Variants in PDZD2 observed in about 807,000 individuals in gnomAD.
PDZD2 encodes the protein PDZ domain-containing protein 2.
A neutral mutation model predicts 220.7 loss-of-function variants in PDZD2; 90 were observed. That is an observed-to-expected ratio of 0.41 (90% CI 0.34 to 0.49). PDZD2 has a LOEUF of 0.49. Ranked by LOEUF, PDZD2 falls within the 20% of genes least tolerant of loss-of-function variation. The pLI, the probability that PDZD2 is intolerant of heterozygous loss-of-function variation, is 0.28. For missense variants in PDZD2, 3,174 were observed against 3,608.5 expected (o/e 0.88, Z 3.08); for synonymous variants, 1,375 against 1,450.5 (o/e 0.95, Z 1.18).
chr5:31,802,649 C>G (rs1162013510), intron 2 of PDZD2, among the ~76,000 whole-genome samples: 1 of 152,068 alleles, frequency 6.6e-6, no homozygotes, highest in Non-Finnish European at 1.5e-5. Flanking sequence ...AGCCGTGCGC[C>G]GTGGCTCACG....
chr5:32,073,964 G>A lies in PDZD2; in HGVS notation c.2858G>A (p.Arg953Gln), dbSNP rs755106014. Residue 953 changes from arginine to glutamine, a missense_variant, in exon 18 of 25, where the codon CGA (arginine) becomes CAA (glutamine). Arg to Gln is a conservative substitution (Grantham distance 43). Coordinates refer to ENST00000438447, the MANE Select transcript of PDZD2 (RefSeq NM_178140.4). ...ASLPGSPQAL[R>Q]NPLLRQRKVG... is the part of the protein sequence containing the mutation. ...CTCCCCGGAAGCCCACAGGCCCTCCGAAACCCTCTCCTCCGCCAGAGGAAG... is the reference window on the plus strand; with the variant it reads ...CTCCCCGGAAGCCCACAGGCCCTCCAAAACCCTCTCCTCCGCCAGAGGAAG... The A allele has an allele frequency of 2.1e-5, 34 of 1,614,134 alleles. No individual in the cohort carries two copies. Among genetic ancestry groups the A allele is most frequent in the East Asian group, 4.5e-5 (2 of 44,874 alleles).
In PDZD2 at chr5:32,071,552, C is replaced by T. The variant is rs576540772; in HGVS notation, c.2568+134C>T. ...ATTTTTGCCACTTTATACAGGAAAT[C>T]GCAACAATGCTCATTTGAGAATAGA... On this transcript the variant is annotated intron_variant, in intron 16 of 24. Coordinates refer to ENST00000438447, the MANE Select transcript of PDZD2 (RefSeq NM_178140.4). 8.3e-4 allele frequency: 595 copies of T among 716,236 alleles called. 11 individuals are homozygous for T. In the South Asian group the frequency reaches 9.1e-3, roughly 11 times the overall value. The allele number at this position is 716,236 out of a possible 1,614,324, so 44.4% of individuals were successfully genotyped here. A position where few individuals can be genotyped will look rare whatever the true frequency, so the allele number is the denominator to read the frequency against.
chr5:31,715,057 T>TA lies in PDZD2; in HGVS notation c.-361+75636dup, dbSNP rs11310820. ...CTAGGCAACAGAGCGACACTCTGTC[T>TA]AAAAAAAAAAAAAAAAGAAAGAAAG... On this transcript the variant is annotated intron_variant, in intron 1 of 24. Coordinates refer to ENST00000438447, the MANE Select transcript of PDZD2 (RefSeq NM_178140.4). Among the ~76,000 whole-genome samples the TA allele has an allele frequency of 4.8e-4, 68 of 142,732 alleles. 1 individual carries two copies. Among genetic ancestry groups the TA allele is most frequent in the Non-Finnish European group, 3.0e-4 (20 of 65,608 alleles). 93.6% of individuals were successfully genotyped at this position (142,732 alleles called of 152,430 possible).
At chr5:32,071,912 G>C (rs900496665) in intron 16 of PDZD2, among the ~76,000 whole-genome samples, 1 of 152,234 alleles carries the variant, frequency 6.6e-6, no homozygotes, top group Middle Eastern at 3.4e-3. Context: ...TGGCTTTTCC[G>C]ATCATTGCCA....
At chr5:31,763,555 C>A (rs538954389) in intron 1 of PDZD2, among the ~76,000 whole-genome samples, 22 of 152,230 alleles carry the variant, frequency 1.4e-4, no homozygotes, top group Admixed American at 1.4e-3. Flanking sequence ...TGTGTTCTTA[C>A]ATATAATTTG....
At chr5:32,095,236 G>A (rs1052786334) in intron 21 of PDZD2, among the ~76,000 whole-genome samples, 1 of 152,256 alleles carries the variant, frequency 6.6e-6, no homozygotes, top group East Asian at 1.9e-4. Flanking sequence ...TACTACTCAC[G>A]CTCACCACGA....
chr5:32,032,375 C>G (rs1034093012), intron 6 of PDZD2, among the ~76,000 whole-genome samples: 6 of 152,148 alleles, frequency 3.9e-5, no homozygotes, highest in Admixed American at 3.9e-4. Flanking sequence ...CGGAATCAGA[C>G]CTGTGTAAAT....
At chr5:31,659,542 G>A (rs1257408469) in intron 1 of PDZD2, among the ~76,000 whole-genome samples, 1 of 151,860 alleles carries the variant, frequency 6.6e-6, no homozygotes, top group Non-Finnish European at 1.5e-5. Context: ...ACTAGCCCCC[G>A]AGACAAGACA....
At chr5:31,912,734 T>A (rs1023333868) in intron 2 of PDZD2, among the ~76,000 whole-genome samples, 1 of 152,212 alleles carries the variant, frequency 6.6e-6, no homozygotes, top group African/African-American at 2.4e-5. Context: ...TGGAGGTGTC[T>A]CTCTAGCATG....
At chr5:31,688,822 A>AG (rs1230152866) in intron 1 of PDZD2, among the ~76,000 whole-genome samples, 1 of 151,138 alleles carries the variant, frequency 6.6e-6, no homozygotes, top group Non-Finnish European at 1.5e-5. Flanking sequence ...TTCCCCAAGC[A>AG]GGGGGTGGTC....
At chr5:32,037,064 G>T (rs59001484) in intron 6 of PDZD2, among the ~76,000 whole-genome samples, 167 bp from the exon 7 acceptor site, 1,759 of 152,336 alleles carry the variant, frequency 0.012, 29 homozygotes, top group African/African-American at 0.039. Flanking sequence ...GCAAGGCGTT[G>T]CGAATGCAGC....
In PDZD2 at chr5:32,090,498, G is replaced by A. The variant is rs766670606; in HGVS notation, c.7050G>A (p.Arg2350=). The A allele has an allele frequency of 3.1e-6, 5 of 1,613,946 alleles. No individual in the cohort carries two copies. Among genetic ancestry groups the A allele is most frequent in the Non-Finnish European group, 4.2e-6 (5 of 1,180,028 alleles). ...TTGAGAACCTGGCCAATGCTGACCG[G>A]CCTGTAGCCAAGTCCGGGGCTTCCC... is the stretch of plus-strand genomic sequence containing the variant. ...KSFENLANAD[R]PVAKSGASPF... is the part of the protein sequence containing the mutation. The change falls in exon 20 of 25, where the codon CGG becomes CGA. Residue 2350 remains arginine, a synonymous_variant. Coordinates refer to ENST00000438447, the MANE Select transcript of PDZD2 (RefSeq NM_178140.4). This position sits in a 1 kb window ranked among gnomAD's most constrained non-coding sequence, Gnocchi z 4.3.
At chr5:32,044,147 G>T (rs182951509) in intron 7 of PDZD2, among the ~76,000 whole-genome samples, 27 of 151,810 alleles carry the variant, frequency 1.8e-4, no homozygotes, top group African/African-American at 6.5e-4. Context: ...TGGCCAACAC[G>T]GTGAAACCTC....
At chr5:31,804,123 G>A (rs1023279689) in intron 2 of PDZD2, among the ~76,000 whole-genome samples, 2 of 152,036 alleles carry the variant, frequency 1.3e-5, no homozygotes, top group Non-Finnish European at 2.9e-5. Flanking sequence ...AGCTGAGGAA[G>A]TAAAATCTTG....
rs568511802 is a variant in PDZD2, at chr5:31,769,576, G to A, written c.-360-29313G>A. On this transcript the variant is annotated intron_variant, in intron 1 of 24. Transcript: ENST00000438447. Reference sequence around the variant, plus strand: ...CTAAAAGAGCCCGGTTTCCTCCTAAGCTAGGTGCTTGGCTTTTATTTTTAA... The same window carrying A: ...CTAAAAGAGCCCGGTTTCCTCCTAAACTAGGTGCTTGGCTTTTATTTTTAA... Among the ~76,000 whole-genome samples the A allele has an allele frequency of 2.6e-5, 4 of 152,344 alleles. No individual in the cohort carries two copies. The South Asian group carries it at 6.2e-4, about 24-fold the overall frequency.
intron 2 of PDZD2, among the ~76,000 whole-genome samples, chr5:31,804,984 A>G (rs1754626361): frequency 6.6e-6 from 1 of 152,232 alleles, no homozygotes; most frequent in Non-Finnish European, 1.5e-5. Flanking sequence ...AGCTGAAGTC[A>G]GGAGTTTGAG....
At chr5:31,908,466 G>A in intron 2 of PDZD2, 2 of 862,704 alleles carry the variant, frequency 2.3e-6, no homozygotes, top group East Asian at 3.4e-5. Flanking sequence ...TGGTCTGTAG[G>A]AGAGAGGGTA....
chr5:31,820,320 A>G (rs1324177979), intron 2 of PDZD2, among the ~76,000 whole-genome samples: 2 of 152,148 alleles, frequency 1.3e-5, no homozygotes, highest in Non-Finnish European at 2.9e-5. Flanking sequence ...AGGTCACATG[A>G]CTTGAGGGAC....
At chr5:32,079,349 T>C (rs1741686403) in intron 19 of PDZD2, among the ~76,000 whole-genome samples, 1 of 151,588 alleles carries the variant, frequency 6.6e-6, no homozygotes, top group Non-Finnish European at 1.5e-5. Context: ...TCTCAGTGGC[T>C]GGTGATGACT....
Sources: allele counts gnomAD v4.1 joint callset (sites outside exome capture counted in the v4.1 genomes callset), GRCh38; gene constraint gnomAD v4.1.1; non-coding constraint Gnocchi (gnomAD v3.1); transcripts MANE v1.5; gene names NCBI Gene and HGNC (gene_info 2026-07-23, HGNC 2026-07-21).